The following GPHN variants were observed in gnomAD, a reference collection of about 807,000 sequenced individuals.
GPHN encodes the protein gephyrin.
In GPHN, 17 loss-of-function variants were observed where a neutral mutation model predicts 95.5. That is an observed-to-expected ratio of 0.18 (90% CI 0.12 to 0.27). GPHN has a LOEUF of 0.27. Among genes scored for constraint, GPHN ranks in the 10% least tolerant of loss-of-function variants. The probability of loss-of-function intolerance (pLI) is 1.00; values close to 1 mark genes in which losing one functional copy is unlikely to be tolerated. For synonymous variants in GPHN, 320 were observed against 322.5 expected, an observed-to-expected ratio of 0.99 and a Z score of 0.08; for missense variants, 660 against 978.1, an observed-to-expected ratio of 0.67 and a Z score of 4.34.
At chr14:67,035,476 A>G (rs1288354402) in intron 10 of GPHN, among the ~76,000 whole-genome samples, 2 of 151,940 alleles carry the variant, frequency 1.3e-5, no homozygotes, top group African/African-American at 4.8e-5. Flanking sequence ...AAATACCAAC[A>G]AAATTGACAA....
At chr14:67,300,370 C>G in the GPHN span, among the ~76,000 whole-genome samples, 1 of 137,198 alleles carries the variant, frequency 7.3e-6, no homozygotes, top group Non-Finnish European at 1.5e-5. Context: ...TTCCATCATC[C>G]AGGCTGGAAT....
chr14:67,475,213 C>A, the GPHN span, among the ~76,000 whole-genome samples: 1 of 152,174 alleles, frequency 6.6e-6, no homozygotes, highest in Non-Finnish European at 1.5e-5. Flanking sequence ...CTGTGCCCAG[C>A]CAGAATTTCC....
intron 3 of GPHN, among the ~76,000 whole-genome samples, chr14:66,815,515 T>C (rs2060926589): frequency 6.6e-6 from 1 of 152,158 alleles, no homozygotes; most frequent in Admixed American, 6.6e-5. Context: ...CAATATTCAG[T>C]ATTCTTAAAA....
chr14:66,965,752 G>A (rs1347376134), intron 9 of GPHN, among the ~76,000 whole-genome samples: 1 of 152,132 alleles, frequency 6.6e-6, no homozygotes, highest in African/African-American at 2.4e-5. Context: ...CCCTGCTCTA[G>A]TATCATTCCA....
At chr14:67,416,675 G>A in the GPHN span, among the ~76,000 whole-genome samples, 1 of 152,258 alleles carries the variant, frequency 6.6e-6, no homozygotes, top group South Asian at 2.1e-4. Context: ...TACTGAGAAT[G>A]TCCGTGTACA....
the GPHN span, chr14:67,684,803 C>G: frequency 8.2e-4 from 327 of 397,404 alleles, no homozygotes; most frequent in Middle Eastern, 2.0e-3. Flanking sequence ...AAACAGAATG[C>G]ATAATTATCA....
intron 4 of GPHN, among the ~76,000 whole-genome samples, chr14:66,843,831 TA>T (rs1327349464): frequency 9.2e-5 from 14 of 152,162 alleles, no homozygotes; most frequent in African/African-American, 7.2e-5. Flanking sequence ...TGTAAGAATA[TA>T]TTTTTTTATA....
chr14:67,588,742 A>G, the GPHN span: 2 of 152,634 alleles, frequency 1.3e-5, no homozygotes, highest in Non-Finnish European at 2.9e-5. Flanking sequence ...ATTTAGCAGT[A>G]GCACCCAAAA....
the GPHN span, chr14:67,221,989 C>A: frequency 1.5e-6 from 1 of 660,772 alleles, no homozygotes; most frequent in Non-Finnish European, 2.4e-6. Context: ...TTCTCAAAGC[C>A]GATCCTCAGG....
At chr14:67,140,211 C>G (rs1397043116) in intron 17 of GPHN, among the ~76,000 whole-genome samples, 1 of 152,054 alleles carries the variant, frequency 6.6e-6, no homozygotes, top group Non-Finnish European at 1.5e-5. Context: ...TGGTGAAACC[C>G]TGTCTCTACT....
intron 11 of GPHN, among the ~76,000 whole-genome samples, chr14:67,083,472 A>C (rs2076769772): frequency 6.6e-6 from 1 of 152,188 alleles, no homozygotes; most frequent in South Asian, 2.1e-4. Context: ...CCCCAGAAGA[A>C]AAAAGCCACT....
At chr14:67,350,915 T>G in the GPHN span, among the ~76,000 whole-genome samples, 1 of 152,232 alleles carries the variant, frequency 6.6e-6, no homozygotes, top group African/African-American at 2.4e-5. Context: ...ATAAATGCAT[T>G]GAGAAACAGA....
chr14:67,724,069 G>T, the GPHN span, among the ~76,000 whole-genome samples: 3 of 152,176 alleles, frequency 2.0e-5, no homozygotes, highest in African/African-American at 7.2e-5. Flanking sequence ...CATGATGATG[G>T]TTACTGAATA....
chr14:67,052,983 A>G (rs991544259), intron 10 of GPHN, among the ~76,000 whole-genome samples: 3 of 152,006 alleles, frequency 2.0e-5, no homozygotes, highest in Admixed American at 6.6e-5. Flanking sequence ...AAATGCCCAC[A>G]TCAGAAAGTT....
rs150653299 is a variant in GPHN at position 67,172,702 on chromosome 14, A to C, written c.2079+3666A>C. 8.6e-3 allele frequency among the ~76,000 whole-genome samples: 1,315 copies of C among 152,258 alleles called. 17 individuals carry two copies. The highest frequency in any genetic ancestry group is 0.028 in the African/African-American group (1,183 of 41,544). On this transcript the variant is annotated intron_variant, in intron 21 of 22. Coordinates refer to ENST00000478722, the MANE Select transcript of GPHN (RefSeq NM_020806.5). ...TAGACTACCCCCCTAGTGTCTGAGC[A>C]GCTGAGAAACACCTCTTCCTAGGAA...
At chr14:67,661,416 C>T in the GPHN span, among the ~76,000 whole-genome samples, 1 of 151,524 alleles carries the variant, frequency 6.6e-6, no homozygotes, top group African/African-American at 2.4e-5. Context: ...GCATGTCTTG[C>T]CTGAGGTACC....
chr14:67,571,603 A>G, the GPHN span: 1,187 of 684,278 alleles, frequency 1.7e-3, 16 homozygotes, highest in African/African-American at 0.019. Flanking sequence ...TGAGGCCAGG[A>G]GGGACCTTAC....
the GPHN span, among the ~76,000 whole-genome samples, chr14:67,342,280 G>A: frequency 4.6e-5 from 7 of 150,708 alleles, no homozygotes; most frequent in African/African-American, 7.3e-5. Context: ...ATCCAAAAGA[G>A]TAACTACTGT....
chr14:67,714,369 T>A, the GPHN span, among the ~76,000 whole-genome samples: 11,298 of 152,180 alleles, frequency 0.074, 552 homozygotes, highest in Middle Eastern at 0.15. Flanking sequence ...ACTCCTTGCC[T>A]CAATAAATCC....
Sources: allele counts gnomAD v4.1 joint callset (sites outside exome capture counted in the v4.1 genomes callset), GRCh38; gene constraint gnomAD v4.1.1; transcripts MANE v1.5; gene names NCBI Gene and HGNC (gene_info 2026-07-23, HGNC 2026-07-21).